The following AKAP11 variants were observed in gnomAD, a reference collection of about 807,000 sequenced individuals.
The protein encoded by AKAP11 is A-kinase anchor protein 11.
AKAP11 carries 36 observed loss-of-function variants against 146.1 expected under a neutral mutation model. The ratio of observed to expected loss-of-function variants is 0.25; its 90% CI spans 0.19 to 0.33. The LOEUF is 0.33. AKAP11 is among the 10% of genes least tolerant of loss of function. The pLI is 1.00. For missense variants in AKAP11, 2,201 were observed against 2,197.0 expected, an observed-to-expected ratio of 1.00 and a Z score of -0.04; for synonymous variants, 780 against 786.5, an observed-to-expected ratio of 0.99 and a Z score of 0.14.
At chr13:42,313,971 A>G (rs1960690600) in intron 11 of AKAP11, 31 bp downstream of exon 11, 1 of 1,611,306 alleles carries the variant, frequency 6.2e-7, no homozygotes, top group South Asian at 1.1e-5. Context: ...AAGTGTTGGC[A>G]TGTGTTTTGT....
rs1960056736 is a variant in AKAP11, at chr13:42,303,301, A to G, written c.4555A>G (p.Arg1519Gly). The change falls in exon 8 of 13, where the codon AGG (arginine) becomes GGG (glycine). Residue 1519 changes from arginine to glycine, a missense_variant. By Grantham distance (125) the Arg-to-Gly change is moderately radical. Around this residue, in one of 3 missense-constraint regions of AKAP11, gnomAD observed 1,867 missense variants for 1,833.5 expected, o/e 1.02. Transcript: ENST00000025301. ...TCTTCAGCCTTCCTCACAAAATCAC[A>G]GGTTTTACCACAGCACTGGCAGTTT... ...KSLQPSSQNH[R>G]FYHSTGSLNG... 3 of 1,612,820 alleles carry G rather than the reference A, an allele frequency of 1.9e-6. No homozygotes were observed. The highest frequency in any genetic ancestry group is 2.5e-6 in the Non-Finnish European group (3 of 1,180,012).
chr13:42,290,969 CTT>C (rs1959202969), intron 3 of AKAP11, among the ~76,000 whole-genome samples: 1 of 152,128 alleles, frequency 6.6e-6, no homozygotes, highest in Non-Finnish European at 1.5e-5. Context: ...GTTTCTAAGA[CTT>C]TTCAGTGGAA....
intron 1 of AKAP11, among the ~76,000 whole-genome samples, chr13:42,279,431 A>G (rs151182665): frequency 1.3e-5 from 2 of 152,236 alleles, no homozygotes; most frequent in Admixed American, 6.5e-5. Flanking sequence ...GATAGCTTCT[A>G]TTACATTGTC....
At chr13:42,273,217 G>C (rs1157732654) in intron 1 of AKAP11, among the ~76,000 whole-genome samples, 2 of 152,054 alleles carry the variant, frequency 1.3e-5, no homozygotes, top group Non-Finnish European at 2.9e-5. Context: ...TGTTATGTCT[G>C]AAAATACTCA....
At chr13:42,276,398 T>C (rs1958919175) in intron 1 of AKAP11, among the ~76,000 whole-genome samples, 1 of 152,094 alleles carries the variant, frequency 6.6e-6, no homozygotes, top group South Asian at 2.1e-4. Flanking sequence ...AGGTGTGTGC[T>C]ACCACGCCTA....
In AKAP11 at chr13:42,300,009, A is replaced by C; in HGVS notation, c.1263A>C (p.Glu421Asp). The C allele has an allele frequency of 6.2e-7, 1 of 1,613,916 alleles. No individual in the cohort carries two copies. The highest frequency in any genetic ancestry group is 8.5e-7 in the Non-Finnish European group (1 of 1,179,836). ...NVRKPTPRKP[E>D]SPYGNLCDAP... ...GAAAGCCAACTCCTCGTAAACCAGAATCTCCATATGGTAACCTGTGTGATG... is the reference window on the plus strand; with the variant it reads ...GAAAGCCAACTCCTCGTAAACCAGACTCTCCATATGGTAACCTGTGTGATG... Residue 421 changes from glutamate to aspartate, a missense_variant, in exon 8 of 13, where the codon GAA (glutamate) becomes GAC (aspartate). Transcript: ENST00000025301.
At chr13:42,275,646 G>T (rs778446987) in intron 1 of AKAP11, among the ~76,000 whole-genome samples, 1 of 152,196 alleles carries the variant, frequency 6.6e-6, no homozygotes, top group African/African-American at 2.4e-5. Flanking sequence ...GTTCTAACCA[G>T]ATCTAACCAG....
intron 1 of AKAP11, among the ~76,000 whole-genome samples, chr13:42,284,799 T>A (rs776077666): frequency 2.1e-4 from 32 of 152,326 alleles, no homozygotes; most frequent in Non-Finnish European, 2.2e-4. Flanking sequence ...AGACGCATGA[T>A]CGTCTTCTGG....
Position 42,301,793 on chromosome 13 carries a change from A to G in AKAP11, c.3047A>G (p.His1016Arg), listed in dbSNP as rs149353289. Residue 1016 changes from histidine to arginine, a missense_variant, in exon 8 of 13, where the codon CAT (histidine) becomes CGT (arginine). Physicochemically the swap from His to Arg is conservative, Grantham distance 29 (BLOSUM62 0). Coordinates refer to ENST00000025301, the MANE Select transcript of AKAP11 (RefSeq NM_016248.4). The stretch of plus-strand genomic sequence containing the variant: ...CCAGAATGTAAAGTTTCTATGGTTC[A>G]TGGATCCTCCCTAGAGACACTGCCA... ...CVPECKVSMV[H>R]GSSLETLPSC... 6.2e-7 allele frequency: 1 copy of G among 1,614,110 alleles called. No homozygotes were observed. Among genetic ancestry groups the G allele is most frequent in the East Asian group, 2.2e-5 (1 of 44,880 alleles).
Position 42,300,059 on chromosome 13 carries a change from A to T in AKAP11, c.1313A>T (p.Lys438Met), listed in dbSNP as rs1959766881. 1 of 1,613,806 alleles carries T rather than the reference A, an allele frequency of 6.2e-7. No homozygotes were observed. Among genetic ancestry groups the T allele is most frequent in the African/African-American group, 1.3e-5 (1 of 74,902 alleles). The change falls in exon 8 of 13, where the codon AAG becomes ATG. Residue 438 changes from lysine to methionine, a missense_variant. Coordinates refer to ENST00000025301, the MANE Select transcript of AKAP11 (RefSeq NM_016248.4). ...GCTCCGGATTCTCCTCGCCCAGTGA[A>T]GGCATCAAGGGAAGATAGTGGTTTA... ...CDAPDSPRPVKASREDSGLFS... is the reference protein window; with the variant it reads ...CDAPDSPRPVMASREDSGLFS...
At chr13:42,272,089 C>CAGGGCG (rs1402366885), upstream of AKAP11, 3 of 13,776 alleles carry the variant, frequency 2.2e-4, no homozygotes, top group Non-Finnish European at 5.0e-4. Flanking sequence ...GAGGGGTGGG[C>CAGGGCG]AGGGCGGGGG....
At chr13:42,282,257 AGTCTTTTTT>A (rs1361706533) in intron 1 of AKAP11, among the ~76,000 whole-genome samples, 1 of 142,758 alleles carries the variant, frequency 7.0e-6, no homozygotes, top group Admixed American at 7.0e-5. Flanking sequence ...GTGCTAGGCC[AGTCTTTTTT>A]TTTTTTTTTT....
At chr13:42,289,902 C>G (rs1047547256) in intron 3 of AKAP11, among the ~76,000 whole-genome samples, 1 of 152,136 alleles carries the variant, frequency 6.6e-6, no homozygotes, top group Non-Finnish European at 1.5e-5. Flanking sequence ...AAACCTAGTA[C>G]AATGAGCACC....
At chr13:42,313,198 C>A in intron 10 of AKAP11, 68 bp downstream of exon 10, 3 of 1,221,738 alleles carry the variant, frequency 2.5e-6, no homozygotes, top group African/African-American at 1.5e-5. Flanking sequence ...TCATATTCTT[C>A]AAAGAATGTG....
intron 1 of AKAP11, among the ~76,000 whole-genome samples, chr13:42,279,743 T>A (rs1251177332): frequency 3.3e-5 from 5 of 152,218 alleles, no homozygotes; most frequent in African/African-American, 1.2e-4. Flanking sequence ...GCATGCTTGG[T>A]AATTTTTATT....
At chr13:42,284,298 T>C (rs550698883) in intron 1 of AKAP11, among the ~76,000 whole-genome samples, 71 of 152,358 alleles carry the variant, frequency 4.7e-4, no homozygotes, top group Middle Eastern at 3.4e-3. Flanking sequence ...AAAGAAGTAT[T>C]TCCAGGGTTT....
At chr13:42,317,469 A>G in intron 11 of AKAP11, 59 bp from the exon 12 acceptor site, 1 of 1,488,584 alleles carries the variant, frequency 6.7e-7, no homozygotes, top group South Asian at 1.3e-5. Flanking sequence ...CTTGACAACC[A>G]GAGTATTGAG....
Position 42,299,201 on chromosome 13 carries a change from A to G in AKAP11, c.617-162A>G, listed in dbSNP as rs557335687. On this transcript the variant is annotated intron_variant, in intron 7 of 12. Transcript: ENST00000025301. ...ACTGAAATTATTTTATAAACAGTAT[A>G]TTTACTTTCAAATGTTACTTGGGTG... Among the ~76,000 whole-genome samples, 12 of 152,322 alleles carry G rather than the reference A, an allele frequency of 7.9e-5. 1 individual carries two copies. Among genetic ancestry groups the G allele is most frequent in the Admixed American group, 7.8e-4 (12 of 15,290 alleles).
Position 42,302,006 on chromosome 13 carries a change from A to C in AKAP11, c.3260A>C (p.Asp1087Ala). Reference sequence around the variant, plus strand: ...TGTGTAGATGGTTTGCATGTGGAAGATAAACAGAAAGTCAGAGACAGAAAT... The same window carrying C: ...TGTGTAGATGGTTTGCATGTGGAAGCTAAACAGAAAGTCAGAGACAGAAAT... ...LTCVDGLHVE[D>A]KQKVRDRNVI... is the part of the protein sequence containing the mutation. The change falls in exon 8 of 13, where the codon GAT becomes GCT. Residue 1087 changes from aspartate to alanine, a missense_variant. By Grantham distance (126) the Asp-to-Ala change is moderately radical. Transcript: ENST00000025301. 6.2e-7 allele frequency: 1 copy of C among 1,613,508 alleles called. No individual in the cohort carries two copies. Among genetic ancestry groups the C allele is most frequent in the South Asian group, 1.1e-5 (1 of 91,042 alleles).
Sources: allele counts gnomAD v4.1 joint callset (sites outside exome capture counted in the v4.1 genomes callset), GRCh38; gene constraint gnomAD v4.1.1; regional missense constraint gnomAD v4.1.1; transcripts MANE v1.5; gene names NCBI Gene and HGNC (gene_info 2026-07-23, HGNC 2026-07-21).